RC3H2: variants seen among roughly 807,000 people sequenced by gnomAD.
The protein encoded by RC3H2 is ring finger and CCCH-type domains 2.
A neutral mutation model predicts 133.3 loss-of-function variants in RC3H2; 31 were observed. The observed-to-expected ratio is 0.23, with a 90% CI of 0.17 to 0.31. The LOEUF (loss-of-function observed/expected upper bound fraction) is 0.31. Among genes scored for constraint, RC3H2 ranks in the 10% least tolerant of loss-of-function variants. The pLI is 1.00. For synonymous variants in RC3H2, 517 were observed against 502.2 expected (o/e 1.03, Z -0.40); for missense variants, 1,175 against 1,437.2 (o/e 0.82, Z 2.95).
intron 2 of RC3H2, among the ~76,000 whole-genome samples, chr9:122,895,315 A>T (rs1376243687): frequency 6.6e-6 from 1 of 152,026 alleles, no homozygotes. Flanking sequence ...CTACAGTCAC[A>T]CACCACCATG....
At chr9:122,856,173 C>T (rs1289308381) in intron 13 of RC3H2, among the ~76,000 whole-genome samples, 1 of 151,184 alleles carries the variant, frequency 6.6e-6, no homozygotes, top group African/African-American at 2.4e-5. Context: ...ATGGGGTGCA[C>T]CAAGAAAAAA....
At chr9:122,904,409 G>C (rs1332360643) in intron 1 of RC3H2, among the ~76,000 whole-genome samples, 1 of 152,154 alleles carries the variant, frequency 6.6e-6, no homozygotes, top group Non-Finnish European at 1.5e-5. Flanking sequence ...GAAAGCTAAG[G>C]ATAGAAAAAA....
At chr9:122,861,752 G>C (rs1005974931) in intron 10 of RC3H2, among the ~76,000 whole-genome samples, 1 of 152,082 alleles carries the variant, frequency 6.6e-6, no homozygotes, top group Non-Finnish European at 1.5e-5. Context: ...TAAAGAAAAA[G>C]GTATATGGGC....
chr9:122,875,853 G>T (rs1831310140), intron 9 of RC3H2, among the ~76,000 whole-genome samples: 2 of 152,216 alleles, frequency 1.3e-5, no homozygotes, highest in Non-Finnish European at 2.9e-5. Flanking sequence ...CAGATTAGAT[G>T]ATGCAGGGTC....
intron 10 of RC3H2, among the ~76,000 whole-genome samples, chr9:122,863,787 C>A (rs1247529382): frequency 2.0e-5 from 3 of 151,724 alleles, no homozygotes; most frequent in Non-Finnish European, 4.4e-5. Context: ...CCCAGGCTGG[C>A]GTACAACGGT....
At chr9:122,891,991 A>C (rs562605180) in intron 3 of RC3H2, among the ~76,000 whole-genome samples, 1 of 152,372 alleles carries the variant, frequency 6.6e-6, no homozygotes, top group East Asian at 1.9e-4. Context: ...GAATGACTGA[A>C]TGAATACATG....
At position 122,880,018 on chromosome 9, in the gene RC3H2, A is replaced by G. The variant is rs572653833; in HGVS notation, c.1068T>C (p.Leu356=). The G allele has an allele frequency of 6.2e-7, 1 of 1,614,178 alleles. No individual in the cohort carries two copies. Among genetic ancestry groups the G allele is most frequent in the East Asian group, 2.2e-5 (1 of 44,882 alleles). The change falls in exon 7 of 21, where the codon CTT becomes CTC. Residue 356 remains leucine (L), a synonymous_variant. Coordinates refer to ENST00000357244, the MANE Select transcript of RC3H2 (RefSeq NM_001100588.3). The part of the protein sequence containing the change: ...NLNRLRPHLE[L]LANIDPNPDA... The stretch of plus-strand genomic sequence containing the variant: ...CTGGATTAGGGTCTATGTTTGCAAG[A>G]AGCTCTAAATGAGGCCTCAGTCTAT...
chr9:122,897,212 C>A (rs1314500457), intron 2 of RC3H2, 67 bp downstream of exon 2: 2 of 1,443,090 alleles, frequency 1.4e-6, no homozygotes, highest in Non-Finnish European at 1.9e-6. Context: ...CTGGACAAGC[C>A]GTTAAAATAA....
intron 13 of RC3H2, 44 bp downstream of exon 13, chr9:122,857,879 T>C (rs376409900): frequency 1.6e-5 from 25 of 1,547,550 alleles, no homozygotes; most frequent in Non-Finnish European, 2.1e-5. Flanking sequence ...AAGTCAGCTG[T>C]TTGACCTATC....
intron 2 of RC3H2, 37 bp from the exon 3 acceptor site, chr9:122,893,063 A>G: frequency 6.3e-7 from 1 of 1,589,448 alleles, no homozygotes; most frequent in Non-Finnish European, 8.5e-7. Context: ...GCAGAAATAC[A>G]TTCATCCAGC....
Position 122,851,312 on chromosome 9 carries a change from G to C in RC3H2, c.3231+11C>G. 6.2e-7 allele frequency: 1 copy of C among 1,612,668 alleles called. No homozygotes were observed. The highest frequency in any genetic ancestry group is 8.5e-7 in the Non-Finnish European group (1 of 1,178,714). ...AACAAAGCCTCTCAATTATCTAATT[G>C]TGGCACTTACTTCAATTGGTTCACT... On this transcript the variant is annotated intron_variant, in intron 19 of 20. Transcript: ENST00000357244.
At chr9:122,857,832 T>C (rs1458563420) in intron 13 of RC3H2, 91 bp downstream of exon 13, 74 of 1,129,596 alleles carry the variant, frequency 6.6e-5, no homozygotes, top group Non-Finnish European at 9.2e-5. Context: ...ACTGCAAATA[T>C]CCAACATAGC....
chr9:122,864,520 T>C (rs1830566720), intron 10 of RC3H2, among the ~76,000 whole-genome samples: 1 of 151,804 alleles, frequency 6.6e-6, no homozygotes, highest in Non-Finnish European at 1.5e-5. Flanking sequence ...TATGAAGGAG[T>C]AAACTAAGGT....
intron 1 of RC3H2, among the ~76,000 whole-genome samples, chr9:122,903,735 G>T (rs1816057741): frequency 6.6e-6 from 1 of 152,136 alleles, no homozygotes; most frequent in African/African-American, 2.4e-5. Flanking sequence ...CTAAAATTTT[G>T]AAAACATTAA....
At chr9:122,869,586 C>T (rs559988624) in intron 9 of RC3H2, among the ~76,000 whole-genome samples, 19 of 115,140 alleles carry the variant, frequency 1.7e-4, no homozygotes, top group Non-Finnish European at 1.8e-4. Flanking sequence ...TTTTTTGAGG[C>T]GGAGTTTTGC....
In RC3H2 at chr9:122,855,367, C is replaced by T; in HGVS notation, c.2632G>A (p.Val878Ile). The change falls in exon 15 of 21, where the codon GTA becomes ATA. Residue 878 changes from valine (V) to isoleucine (I), a missense_variant. Coordinates refer to ENST00000357244, the MANE Select transcript of RC3H2 (RefSeq NM_001100588.3). ...DLDSGDVKRR[V>I]HLFETQRRTK... ...CTTCTCTGGGTTTCAAATAAATGTA[C>T]TCTTCTCTTAACATCACCACTGTCC... The T allele has an allele frequency of 6.2e-7, 1 of 1,613,652 alleles. No homozygotes were observed. The highest frequency in any genetic ancestry group is 8.5e-7 in the Non-Finnish European group (1 of 1,179,992).
intron 18 of RC3H2, among the ~76,000 whole-genome samples, chr9:122,852,581 T>G (rs111358831): frequency 8.4e-6 from 1 of 118,838 alleles, no homozygotes; most frequent in Non-Finnish European, 1.7e-5. Context: ...GGGAGGGAGG[T>G]GTGGGGGTCA....
At position 122,894,732 on chromosome 9, in the gene RC3H2, T is replaced by C. The variant is rs565460205; in HGVS notation, c.232-1706A>G. The stretch of plus-strand genomic sequence containing the variant: ...CCATCTCTACTAAAAATACAAAAAT[T>C]ATCTGGGCATGGTGGCACGCACCTG... On this transcript the variant is annotated intron_variant, in intron 2 of 20. Transcript: ENST00000357244. 7.2e-5 allele frequency among the ~76,000 whole-genome samples: 11 copies of C among 152,036 alleles called. No homozygotes were observed. The South Asian group carries it at 2.1e-3, about 29-fold the overall frequency.
chr9:122,905,311 CG>C lies in RC3H2; in HGVS notation c.-270del. ...GGCCTCCTCCTCCTCCCTCCACCTC[CG>C]CCTCCTCCTCCTCCTCCTCCTCACC... On this transcript the variant is annotated 5_prime_UTR_variant, in exon 1 of 21. Transcript: ENST00000357244. 1 of 985,244 alleles carries C rather than the reference CG, an allele frequency of 1.0e-6. No individual in the cohort carries two copies. Among genetic ancestry groups the C allele is most frequent in the Non-Finnish European group, 1.2e-6 (1 of 829,514 alleles). 61.0% of individuals were successfully genotyped at this position (985,244 alleles called of 1,614,324 possible). A position where few individuals can be genotyped will look rare whatever the true frequency, so the allele number is the denominator to read the frequency against.
Sources: gnomAD v4.1 joint callset for allele counts (sites outside exome capture counted in the v4.1 genomes callset) on GRCh38, gnomAD v4.1.1 for gene constraint, MANE v1.5 for transcripts, NCBI Gene and HGNC (gene_info 2026-07-23, HGNC 2026-07-21) for gene names.